Variants in RP1 observed in about 807,000 individuals in gnomAD.
RP1 encodes the protein oxygen-regulated protein 1.
A neutral mutation model predicts 14.8 loss-of-function variants in RP1; 16 were observed. The observed-to-expected ratio is 1.08, with a 90% CI of 0.73 to 1.65. RP1 has a LOEUF of 1.65. Among genes scored for constraint, RP1 ranks in the 40% most tolerant of loss-of-function variants. RP1 has a pLI of 0.00. For missense variants in RP1, 2,631 were observed against 2,535.0 expected (o/e 1.04, Z -0.81); for synonymous variants, 876 against 883.6 (o/e 0.99, Z 0.15).
chr8:54,823,785 A>T (rs1811315854), intron 24 of RP1, among the ~76,000 whole-genome samples: 1 of 152,240 alleles, frequency 6.6e-6, no homozygotes, highest in African/African-American at 2.4e-5. Flanking sequence ...CTTTGTGAGG[A>T]CATGGTTTTC....
intron 15 of RP1, chr8:54,706,772 C>T (rs577755572): frequency 1.0e-6 from 1 of 974,096 alleles, no homozygotes; most frequent in African/African-American, 1.6e-5. Context: ...TGGTGGTCTC[C>T]CTTGACTGGT....
chr8:54,727,945 GGAGAGTGGGCCAAAGACTGAGAA>G (rs1453086556), intron 17 of RP1, among the ~76,000 whole-genome samples: 1 of 151,912 alleles, frequency 6.6e-6, no homozygotes, highest in African/African-American at 2.4e-5. Context: ...CAGCAGAAAT[GGAGAGTGGGCCAAAGACTGAGAA>G]AATGGAGACT....
intron 12 of RP1, among the ~76,000 whole-genome samples, chr8:54,684,231 T>C (rs191944330): frequency 2.0e-4 from 31 of 152,290 alleles, no homozygotes; most frequent in Middle Eastern, 3.4e-3. Context: ...TATTGACGAT[T>C]TTTGCATCTA....
At chr8:54,821,468 C>T (rs552662944) in intron 24 of RP1, among the ~76,000 whole-genome samples, 1 of 152,272 alleles carries the variant, frequency 6.6e-6, no homozygotes, top group East Asian at 1.9e-4. Flanking sequence ...TTCTAGTAAT[C>T]ATGGGGGTTT....
At chr8:54,759,139 T>A in intron 22 of RP1, 1 of 1,128,178 alleles carries the variant, frequency 8.9e-7, no homozygotes, top group Non-Finnish European at 1.2e-6. Context: ...GCTGTGTGTG[T>A]GTGTGTGTGT....
At chr8:54,642,011 T>C (rs1157651519) in intron 3 of RP1, among the ~76,000 whole-genome samples, 1 of 152,168 alleles carries the variant, frequency 6.6e-6, no homozygotes, top group Non-Finnish European at 1.5e-5. Flanking sequence ...GATGCACAAT[T>C]AGTTGTGGTA....
chr8:54,868,097 G>A (rs1319086925), intron 28 of RP1, among the ~76,000 whole-genome samples: 1 of 152,142 alleles, frequency 6.6e-6, no homozygotes, highest in Non-Finnish European at 1.5e-5. Flanking sequence ...TTCTAGAAGT[G>A]CCACATTTAG....
chr8:54,800,744 T>C (rs1003757060), intron 24 of RP1, among the ~76,000 whole-genome samples: 5 of 152,218 alleles, frequency 3.3e-5, no homozygotes, highest in African/African-American at 4.8e-5. Context: ...TACTCACCTG[T>C]TTTTTTATGT....
Position 54,625,100 on chromosome 8 carries a change from G to A in RP1, c.1218G>A (p.Glu406=). ...RSSNQEGSLA[E]EINIQMTDQV... Reference sequence around the variant, plus strand: ...GTAATCAAGAGGGCAGTTTGGCAGAGGAGATAAACATTCAAATGACAGATC... The same window carrying A: ...GTAATCAAGAGGGCAGTTTGGCAGAAGAGATAAACATTCAAATGACAGATC... Residue 406 remains glutamate (E), a synonymous_variant, in exon 4 of 4, where the codon GAG becomes GAA. Transcript: ENST00000220676. 2 of 1,614,146 alleles carry A rather than the reference G, an allele frequency of 1.2e-6. No individual in the cohort carries two copies. The highest frequency in any genetic ancestry group is 1.7e-6 in the Non-Finnish European group (2 of 1,180,034).
chr8:54,643,488 T>C (rs1454051723), intron 3 of RP1, among the ~76,000 whole-genome samples: 1 of 152,226 alleles, frequency 6.6e-6, no homozygotes, highest in African/African-American at 2.4e-5. Flanking sequence ...TTGATCATCA[T>C]GAAGCTTAAG....
intron 24 of RP1, among the ~76,000 whole-genome samples, chr8:54,793,886 G>A (rs977690036): frequency 6.6e-6 from 1 of 151,836 alleles, no homozygotes. Context: ...AAAATCATCT[G>A]TTTGCAGATG....
chr8:54,813,340 C>G (rs1292599688), intron 24 of RP1, among the ~76,000 whole-genome samples: 2 of 152,110 alleles, frequency 1.3e-5, no homozygotes, highest in African/African-American at 4.8e-5. Flanking sequence ...CATTGAATAG[C>G]CTGCCTAGAC....
chr8:54,855,268 T>C (rs1812163361), intron 26 of RP1, among the ~76,000 whole-genome samples: 1 of 152,178 alleles, frequency 6.6e-6, no homozygotes, highest in Admixed American at 6.5e-5. Context: ...TAGTATTCCA[T>C]TGTATTGTTC....
intron 1 of RP1, among the ~76,000 whole-genome samples, chr8:54,560,027 G>A (rs1400176851): frequency 6.6e-6 from 1 of 152,142 alleles, no homozygotes; most frequent in African/African-American, 2.4e-5. Context: ...TAACTGTTAA[G>A]CCACAAACAT....
intron 24 of RP1, among the ~76,000 whole-genome samples, chr8:54,807,013 T>C (rs1044058019): frequency 1.3e-5 from 2 of 152,202 alleles, no homozygotes; most frequent in African/African-American, 4.8e-5. Context: ...GTGACAGAAA[T>C]GTTTCATTCT....
exon 15 of RP1, chr8:54,706,602 G>A: frequency 6.5e-7 from 1 of 1,536,074 alleles, no homozygotes; most frequent in Non-Finnish European, 8.7e-7. Context: ...GTTTGAAAGT[G>A]TGAAAAATGC....
Position 54,620,944 on chromosome 8 carries a change from T to G in RP1, c.-12-11T>G. 6.2e-7 allele frequency: 1 copy of G among 1,613,758 alleles called. No individual in the cohort carries two copies. The highest frequency in any genetic ancestry group is 1.7e-5 in the Admixed American group (1 of 60,026). ...GCTGTGATTCTGGAGATAATTTTCT[T>G]TCTTCTCTAGGTCTCAGCCAAAATG... On this transcript the variant is annotated splice_polypyrimidine_tract_variant and intron_variant, in intron 1 of 3. Transcript: ENST00000220676.
chr8:54,596,116 TC>T (rs1032176786), intron 1 of RP1, among the ~76,000 whole-genome samples: 13 of 152,236 alleles, frequency 8.5e-5, no homozygotes, highest in Admixed American at 7.9e-4. Context: ...ATTCTGTTTC[TC>T]CATAAGACTA....
At chr8:54,754,350 T>A (rs940897277) in intron 19 of RP1, among the ~76,000 whole-genome samples, 43 of 147,752 alleles carry the variant, frequency 2.9e-4, no homozygotes, top group African/African-American at 9.9e-4. Flanking sequence ...TTTTTTTTTT[T>A]AAATCACTAC....
Sources: gnomAD v4.1 joint callset for allele counts (sites outside exome capture counted in the v4.1 genomes callset) on GRCh38, gnomAD v4.1.1 for gene constraint, MANE v1.5 for transcripts, NCBI Gene and HGNC (gene_info 2026-07-23, HGNC 2026-07-21) for gene names.